Variants in PARD3B observed in about 807,000 individuals in gnomAD.
PARD3B encodes par-3 family cell polarity regulator beta.
A neutral mutation model predicts 130.2 loss-of-function variants in PARD3B; 103 were observed. The observed-to-expected ratio is 0.79, with a 90% CI of 0.67 to 0.93. The LOEUF (loss-of-function observed/expected upper bound fraction) is 0.93, where lower values mean the gene tolerates loss of function less well. Among genes scored for constraint, PARD3B ranks in the 40% least tolerant of loss-of-function variants. The pLI is 0.00. For synonymous variants in PARD3B, 583 were observed against 553.2 expected (o/e 1.05, Z -0.76); for missense variants, 1,609 against 1,499.2 (o/e 1.07, Z -1.21).
intron 1 of PARD3B, among the ~76,000 whole-genome samples, chr2:204,625,598 G>A (rs933358219): frequency 6.6e-5 from 10 of 152,184 alleles, no homozygotes; most frequent in African/African-American, 1.9e-4. Flanking sequence ...AGCTTTCTTC[G>A]TTCCAATTAA....
intron 1 of PARD3B, among the ~76,000 whole-genome samples, chr2:204,553,831 A>G (rs1297687754): frequency 6.6e-6 from 1 of 151,184 alleles, no homozygotes; most frequent in African/African-American, 2.4e-5. Flanking sequence ...CAAACATTGT[A>G]TGTTCTCACT....
chr2:204,597,644 G>A (rs1301287639), intron 1 of PARD3B, among the ~76,000 whole-genome samples: 3 of 152,154 alleles, frequency 2.0e-5, no homozygotes, highest in Non-Finnish European at 4.4e-5. Context: ...AGTCAATAGT[G>A]AGCTGGGACC....
At chr2:204,721,405 G>A (rs918349135) in intron 2 of PARD3B, among the ~76,000 whole-genome samples, 6 of 152,152 alleles carry the variant, frequency 3.9e-5, no homozygotes, top group African/African-American at 1.4e-4. Context: ...CGTTTCAGAG[G>A]CTGGAGGGGC....
intron 1 of PARD3B, among the ~76,000 whole-genome samples, chr2:204,682,640 G>T (rs973565645): frequency 3.9e-5 from 6 of 152,100 alleles, no homozygotes; most frequent in Admixed American, 3.9e-4. Context: ...AATTCATGTA[G>T]CCCCTCTCCA....
chr2:204,973,040 A>C (rs1691841564), intron 3 of PARD3B, among the ~76,000 whole-genome samples: 1 of 152,114 alleles, frequency 6.6e-6, no homozygotes, highest in Non-Finnish European at 1.5e-5. Context: ...GGAGGAAAAA[A>C]ACCAAGCCAT....
chr2:204,755,806 A>G (rs534672005), intron 2 of PARD3B, among the ~76,000 whole-genome samples: 8 of 152,146 alleles, frequency 5.3e-5, no homozygotes, highest in Non-Finnish European at 7.4e-5. Context: ...TTCTAATGAC[A>G]GAGAAATGCT....
chr2:205,001,440 G>A (rs1694822052), intron 3 of PARD3B, among the ~76,000 whole-genome samples: 1 of 152,178 alleles, frequency 6.6e-6, no homozygotes, highest in South Asian at 2.1e-4. Flanking sequence ...AAATACAACA[G>A]CATTTATTTC....
At position 204,653,274 on chromosome 2, in the gene PARD3B, A is replaced by G. The variant is rs897452330; in HGVS notation, c.121-32907A>G. Reference sequence around the variant, plus strand: ...ACCTGTACCCCTGAACCTAAAATAAAAGTTAAAATTAAAAAAAAAAAAACC... The same window carrying G: ...ACCTGTACCCCTGAACCTAAAATAAGAGTTAAAATTAAAAAAAAAAAAACC... On this transcript the variant is annotated intron_variant, in intron 1 of 22. Coordinates refer to ENST00000406610, the MANE Select transcript of PARD3B (RefSeq NM_001302769.2). Among the ~76,000 whole-genome samples, 3 of 89,522 alleles carry G rather than the reference A, an allele frequency of 3.4e-5. No homozygotes were observed. The Admixed American group carries it at 3.8e-4, about 11-fold the overall frequency. The allele number at this position is 89,522 out of a possible 152,430, so 58.7% of individuals were successfully genotyped here. A position where few individuals can be genotyped will look rare whatever the true frequency, so the allele number is the denominator to read the frequency against.
chr2:205,378,300 T>A (rs1276523816), intron 18 of PARD3B, among the ~76,000 whole-genome samples: 2 of 152,156 alleles, frequency 1.3e-5, no homozygotes, highest in Non-Finnish European at 2.9e-5. Flanking sequence ...TGTAAACTAC[T>A]GATCTCAGTG....
chr2:204,622,957 T>C (rs2034357050), intron 1 of PARD3B, among the ~76,000 whole-genome samples: 1 of 152,202 alleles, frequency 6.6e-6, no homozygotes, highest in Non-Finnish European at 1.5e-5. Context: ...TTTCTAAGTA[T>C]GTTTGATACG....
chr2:205,165,923 G>A (rs964924660), intron 11 of PARD3B, among the ~76,000 whole-genome samples: 4 of 151,914 alleles, frequency 2.6e-5, no homozygotes, highest in Non-Finnish European at 5.9e-5. Flanking sequence ...TATACAGAAC[G>A]TAATCAAACT....
chr2:205,556,255 A>G (rs1274347054), intron 22 of PARD3B, among the ~76,000 whole-genome samples: 2 of 152,152 alleles, frequency 1.3e-5, no homozygotes, highest in East Asian at 1.9e-4. Context: ...TTAATATGCT[A>G]CTGACTGATT....
chr2:204,717,713 G>A (rs1380557507), intron 2 of PARD3B, among the ~76,000 whole-genome samples: 1 of 152,148 alleles, frequency 6.6e-6, no homozygotes, highest in African/African-American at 2.4e-5. Context: ...AGCCAAATTG[G>A]GAACTAGACA....
At chr2:204,690,035 C>A (rs1234707933) in intron 2 of PARD3B, among the ~76,000 whole-genome samples, 1 of 152,108 alleles carries the variant, frequency 6.6e-6, no homozygotes, top group Non-Finnish European at 1.5e-5. Flanking sequence ...ATATGCCATA[C>A]ATATTTAATA....
At chr2:205,355,069 C>G (rs1037201232) in intron 18 of PARD3B, among the ~76,000 whole-genome samples, 2 of 152,182 alleles carry the variant, frequency 1.3e-5, no homozygotes, top group Non-Finnish European at 1.5e-5. Context: ...CCAAGAGCGT[C>G]TCTTGAATAT....
In PARD3B at chr2:204,635,549, A is replaced by G. The variant is rs544519240; in HGVS notation, c.121-50632A>G. On this transcript the variant is annotated intron_variant, in intron 1 of 22. Coordinates refer to ENST00000406610, the MANE Select transcript of PARD3B (RefSeq NM_001302769.2). Reference sequence around the variant, plus strand: ...AATGTTATCTGTTCTTTCTTAAGAGAGGTAGAGCACTGTTTCACAAGTTTT... The same window carrying G: ...AATGTTATCTGTTCTTTCTTAAGAGGGGTAGAGCACTGTTTCACAAGTTTT... Among the ~76,000 whole-genome samples, 53 of 152,228 alleles carry G rather than the reference A, an allele frequency of 3.5e-4. No individual in the cohort carries two copies. The South Asian group carries it at 3.9e-3, about 11-fold the overall frequency.
At chr2:204,962,353 G>A (rs1351167945) in intron 2 of PARD3B, among the ~76,000 whole-genome samples, 1 of 152,076 alleles carries the variant, frequency 6.6e-6, no homozygotes, top group Admixed American at 6.6e-5. Context: ...CAGCCCCTGA[G>A]GTGTCAGTGG....
Position 204,764,617 on chromosome 2 carries a change from G to T in PARD3B, c.222+78335G>T, listed in dbSNP as rs192428808. On this transcript the variant is annotated intron_variant, in intron 2 of 22. Transcript: ENST00000406610. The stretch of plus-strand genomic sequence containing the variant: ...GAAAACAAACTTTGAATAAATAGAT[G>T]CACACACCATGTAACTGGATGTTAG... Among the ~76,000 whole-genome samples the T allele has an allele frequency of 1.3e-3, 194 of 151,874 alleles. 1 individual carries two copies. The highest frequency in any genetic ancestry group is 4.1e-3 in the African/African-American group (168 of 41,442).
At chr2:205,191,075 G>GGAA (rs911711194) in intron 14 of PARD3B, among the ~76,000 whole-genome samples, 2 of 97,746 alleles carry the variant, frequency 2.0e-5, no homozygotes, top group African/African-American at 7.1e-5. Context: ...GAAAGAAATA[G>GGAA]AAAAAAAAAA....
Sources: allele counts gnomAD v4.1 joint callset (sites outside exome capture counted in the v4.1 genomes callset), GRCh38; gene constraint gnomAD v4.1.1; transcripts MANE v1.5; gene names NCBI Gene and HGNC (gene_info 2026-07-23, HGNC 2026-07-21).